The following BABAM2 variants were observed in gnomAD, a reference collection of about 807,000 sequenced individuals.
The protein encoded by BABAM2 is BRISC and BRCA1 A complex member 2.
Under a neutral mutation model 54.7 loss-of-function variants are expected in BABAM2, and 31 were observed. The observed-to-expected ratio is 0.57, with a 90% CI of 0.43 to 0.77. The LOEUF is 0.77. BABAM2 is among the 30% of genes least tolerant of loss of function. The pLI is 0.00. For missense variants in BABAM2, 364 were observed against 455.8 expected, an observed-to-expected ratio of 0.80 and a Z score of 1.83; for synonymous variants, 167 against 162.9, an observed-to-expected ratio of 1.03 and a Z score of -0.19.
At chr2:28,090,567 G>A (rs536855887) in intron 6 of BABAM2, among the ~76,000 whole-genome samples, 31 of 152,200 alleles carry the variant, frequency 2.0e-4, no homozygotes, top group African/African-American at 6.7e-4. Flanking sequence ...TTTCATGTCC[G>A]TATTTTCTTT....
chr2:28,123,797 C>G (rs977334143), intron 6 of BABAM2, among the ~76,000 whole-genome samples: 1 of 152,086 alleles, frequency 6.6e-6, no homozygotes, highest in Non-Finnish European at 1.5e-5. Flanking sequence ...ACATATAAAA[C>G]GAACTCCTGG....
At position 28,238,670 on chromosome 2, in the gene BABAM2, A is replaced by G. The variant is rs192988756; in HGVS notation, c.780+1369A>G. 6.8e-3 allele frequency among the ~76,000 whole-genome samples: 1,036 copies of G among 152,298 alleles called. 13 individuals carry two copies. Among genetic ancestry groups the G allele is most frequent in the South Asian group, 0.049 (235 of 4,824 alleles). ...ATCTCCCCAGCCTCTGCCCTCCTGC[A>G]AAACTGATCGGAGGACAGAATTCTT... is the stretch of plus-strand genomic sequence containing the variant. On this transcript the variant is annotated intron_variant, in intron 8 of 11. Transcript: ENST00000379624.
chr2:27,955,629 C>T (rs376298649), intron 3 of BABAM2, among the ~76,000 whole-genome samples: 9 of 152,270 alleles, frequency 5.9e-5, no homozygotes, highest in East Asian at 5.8e-4. Context: ...CAGAGTCACA[C>T]GGGAATTTTT....
In BABAM2 at chr2:28,260,126, T is replaced by C. The variant is rs370747521; in HGVS notation, c.934+15264T>C. On this transcript the variant is annotated intron_variant, in intron 10 of 11. Coordinates refer to ENST00000379624, the MANE Select transcript of BABAM2 (RefSeq NM_199191.3). Reference sequence around the variant, plus strand: ...ATTGCCAGGATGATCTCAATCTCCTTACCTCATGATCCACCCGCCTCGGCC... The same window carrying C: ...ATTGCCAGGATGATCTCAATCTCCTCACCTCATGATCCACCCGCCTCGGCC... 2.0e-5 allele frequency among the ~76,000 whole-genome samples: 3 copies of C among 151,664 alleles called. No homozygotes were observed. In the East Asian group the frequency reaches 5.8e-4, roughly 29 times the overall value.
upstream of BABAM2, chr2:27,889,855 T>C (rs185169772): frequency 1.5e-3 from 271 of 177,534 alleles, 1 homozygote; most frequent in African/African-American, 5.7e-3. Flanking sequence ...TTACTTCATT[T>C]AGTCCTCACA....
intron 2 of BABAM2, among the ~76,000 whole-genome samples, chr2:27,907,568 G>A (rs1357233578): frequency 6.6e-6 from 1 of 152,106 alleles, no homozygotes; most frequent in Non-Finnish European, 1.5e-5. Flanking sequence ...ATTTTTAAGT[G>A]TACACATCTT....
At chr2:27,931,975 T>C (rs1668129690) in intron 3 of BABAM2, among the ~76,000 whole-genome samples, 1 of 152,184 alleles carries the variant, frequency 6.6e-6, no homozygotes, top group Admixed American at 6.6e-5. Context: ...TGCCTATAAA[T>C]TGCTTGAACG....
At chr2:28,015,806 A>C (rs1674757450) in intron 4 of BABAM2, 851 of 1,000,564 alleles carry the variant, frequency 8.5e-4, no homozygotes, top group Middle Eastern at 1.2e-3. Flanking sequence ...TGTTTTTCTC[A>C]TGCTTCTTTT....
intron 3 of BABAM2, among the ~76,000 whole-genome samples, chr2:27,971,341 C>T (rs1671205895): frequency 6.6e-6 from 1 of 152,010 alleles, no homozygotes; most frequent in Non-Finnish European, 1.5e-5. Flanking sequence ...AATGAGAAAA[C>T]ATCTTGATTT....
At chr2:28,118,673 C>T (rs1027857776) in intron 6 of BABAM2, among the ~76,000 whole-genome samples, 4 of 151,770 alleles carry the variant, frequency 2.6e-5, no homozygotes, top group African/African-American at 9.7e-5. Flanking sequence ...CTGTAGGTTG[C>T]CTGTTCACTC....
chr2:28,056,034 A>T (rs1338326044), intron 6 of BABAM2, among the ~76,000 whole-genome samples: 1 of 152,082 alleles, frequency 6.6e-6, no homozygotes, highest in Non-Finnish European at 1.5e-5. Context: ...GTAGAATCTT[A>T]AAAAAAATTT....
rs752905871 is a variant in BABAM2 at position 28,258,615 on chromosome 2, C to CTTTTCTT, written c.934+13757_934+13758insCTTTTTT. On this transcript the variant is annotated intron_variant, in intron 10 of 11. Transcript: ENST00000379624. Reference sequence around the variant, plus strand: ...CTTAAGTCTTTTTCTTTTTTCTTTTCTTTTTTTTTTTTTTTTGAGACAGGA... The same window carrying CTTTTCTT: ...CTTAAGTCTTTTTCTTTTTTCTTTTCTTTTCTTTTTTTTTTTTTTTTTTGAGACAGGA... Among the ~76,000 whole-genome samples the CTTTTCTT allele has an allele frequency of 3.5e-3, 353 of 100,010 alleles. 3 individuals are homozygous for CTTTTCTT. The highest frequency in any genetic ancestry group is 9.3e-3 in the Middle Eastern group (1 of 108). The allele number at this position is 100,010 out of a possible 152,430, so 65.6% of individuals were successfully genotyped here. A position where few individuals can be genotyped will look rare whatever the true frequency, so the allele number is the denominator to read the frequency against.
intron 6 of BABAM2, among the ~76,000 whole-genome samples, chr2:28,059,772 G>A (rs1678715338): frequency 6.6e-6 from 1 of 152,162 alleles, no homozygotes; most frequent in Non-Finnish European, 1.5e-5. Flanking sequence ...ATATTTGCTT[G>A]TGTGTTCTTG....
intron 10 of BABAM2, among the ~76,000 whole-genome samples, chr2:28,261,375 G>A (rs1050512773): frequency 3.4e-5 from 5 of 148,568 alleles, no homozygotes; most frequent in African/African-American, 1.2e-4. Context: ...CGCCCAGGCT[G>A]GAGTGCAGTG....
intron 8 of BABAM2, among the ~76,000 whole-genome samples, chr2:28,240,350 C>G (rs1434111976): frequency 6.6e-6 from 1 of 151,990 alleles, no homozygotes; most frequent in African/African-American, 2.4e-5. Flanking sequence ...TCTTGAATTC[C>G]TGGCCTGAAG....
intron 3 of BABAM2, among the ~76,000 whole-genome samples, chr2:27,975,633 A>T (rs1158333740): frequency 1.3e-5 from 2 of 152,088 alleles, no homozygotes; most frequent in Non-Finnish European, 2.9e-5. Flanking sequence ...AGGCTTTGTG[A>T]CTTGGGCTGG....
At chr2:28,206,068 G>C (rs1397201785) in intron 7 of BABAM2, among the ~76,000 whole-genome samples, 1 of 152,034 alleles carries the variant, frequency 6.6e-6, no homozygotes, top group African/African-American at 2.4e-5. Context: ...CAGGTAAAGG[G>C]GCCTACAATG....
chr2:27,915,759 T>C (rs1228089121), intron 2 of BABAM2, among the ~76,000 whole-genome samples: 1 of 152,186 alleles, frequency 6.6e-6, no homozygotes, highest in African/African-American at 2.4e-5. Flanking sequence ...TATTAATTCT[T>C]CCTTTTCCTT....
chr2:28,141,647 C>T (rs943308416), intron 7 of BABAM2, among the ~76,000 whole-genome samples: 2 of 152,144 alleles, frequency 1.3e-5, no homozygotes, highest in African/African-American at 4.8e-5. Context: ...ACCAGCACTT[C>T]AGAGCTTTCC....
Sources: allele counts gnomAD v4.1 joint callset (sites outside exome capture counted in the v4.1 genomes callset), GRCh38; gene constraint gnomAD v4.1.1; transcripts MANE v1.5; gene names NCBI Gene and HGNC (gene_info 2026-07-23, HGNC 2026-07-21).